The following DNAH3 variants were observed in gnomAD, a reference collection of about 807,000 sequenced individuals.
DNAH3 encodes the protein dynein axonemal heavy chain 3.
DNAH3 carries 332 observed loss-of-function variants against 432.5 expected under a neutral mutation model. The observed-to-expected ratio is 0.77, with a 90% CI of 0.70 to 0.84. The LOEUF is 0.84. Among genes scored for constraint, DNAH3 ranks in the 40% least tolerant of loss-of-function variants. The pLI is 0.00. For synonymous variants in DNAH3, 1,956 were observed against 1,900.2 expected, an observed-to-expected ratio of 1.03 and a Z score of -0.76; for missense variants, 4,861 against 5,114.0, an observed-to-expected ratio of 0.95 and a Z score of 1.51.
intron 31 of DNAH3, among the ~76,000 whole-genome samples, chr16:21,047,027 G>A (rs542678625): frequency 6.6e-6 from 1 of 152,114 alleles, no homozygotes; most frequent in Non-Finnish European, 1.5e-5. Context: ...GGCTTGTAGG[G>A]TTTCTGCAGA....
chr16:20,983,451 T>TAC (rs1486898970), intron 48 of DNAH3, among the ~76,000 whole-genome samples: 1 of 148,770 alleles, frequency 6.7e-6, no homozygotes, highest in Admixed American at 6.7e-5. Flanking sequence ...TGGTCTCCCA[T>TAC]ACACACTATT....
chr16:21,024,650 C>T (rs1344669758), exon 39 of DNAH3: 1 of 1,613,666 alleles, frequency 6.2e-7, no homozygotes, highest in South Asian at 1.1e-5. Flanking sequence ...TGTAGGAATC[C>T]TTCAGGGGCT....
chr16:20,954,721 T>C (rs2084480413), intron 55 of DNAH3, 92 bp downstream of exon 55: 1 of 1,443,928 alleles, frequency 6.9e-7, no homozygotes. Context: ...CAACCCTATC[T>C]GAGCGCAAGC....
intron 5 of DNAH3, among the ~76,000 whole-genome samples, chr16:21,138,237 G>A (rs536206502): frequency 4.0e-5 from 6 of 151,082 alleles, no homozygotes; most frequent in Non-Finnish European, 7.4e-5. Context: ...GACAGAGCGA[G>A]ATTCTGTCTC....
intron 57 of DNAH3, 113 bp from the exon 58 acceptor site, chr16:20,944,776 G>GAGAC: frequency 1.4e-6 from 1 of 701,038 alleles, no homozygotes; most frequent in Non-Finnish European, 2.4e-6. Context: ...AGTAGCACAG[G>GAGAC]ACACACACAC....
chr16:21,054,399 A>G, intron 28 of DNAH3, 21 bp downstream of exon 28: 1 of 1,576,136 alleles, frequency 6.3e-7, no homozygotes, highest in Non-Finnish European at 8.7e-7. Context: ...CAGTAATGAC[A>G]GGGGAAGCCC....
chr16:21,057,832 T>C (rs1311731906), intron 27 of DNAH3, among the ~76,000 whole-genome samples: 2 of 151,994 alleles, frequency 1.3e-5, no homozygotes, highest in African/African-American at 4.8e-5. Context: ...AAGCCAAGGG[T>C]ATAAGACTTA....
chr16:21,088,435 C>T (rs1247890801), intron 18 of DNAH3, among the ~76,000 whole-genome samples: 1 of 152,130 alleles, frequency 6.6e-6, no homozygotes, highest in African/African-American at 2.4e-5. Context: ...TTTGCAATCA[C>T]TCAGGCAAAG....
At chr16:21,067,291 G>A (rs2090587825) in exon 24 of DNAH3, 3 of 1,614,064 alleles carry the variant, frequency 1.9e-6, no homozygotes, top group Non-Finnish European at 1.7e-6. Context: ...ACCTGGGGAA[G>A]AATAGTCTCT....
exon 55 of DNAH3, chr16:20,954,948 A>G (rs764145682): frequency 1.2e-6 from 2 of 1,614,186 alleles, no homozygotes; most frequent in South Asian, 2.2e-5. Flanking sequence ...TTGAGGTAGG[A>G]GCGCAACAGG....
intron 58 of DNAH3, among the ~76,000 whole-genome samples, chr16:20,943,269 C>T (rs1278695816): frequency 4.0e-5 from 6 of 151,258 alleles, no homozygotes; most frequent in South Asian, 2.1e-4. Flanking sequence ...GTATAGACGG[C>T]GTTTTGCTAT....
At chr16:21,028,216 A>AT (rs1002665021) in intron 37 of DNAH3, among the ~76,000 whole-genome samples, 51 of 151,902 alleles carry the variant, frequency 3.4e-4, no homozygotes, top group Non-Finnish European at 7.1e-4. Context: ...ATTTTTTAAA[A>AT]TTTTTTTTGT....
At chr16:20,968,688 T>C (rs2085172852) in intron 52 of DNAH3, among the ~76,000 whole-genome samples, 1 of 151,782 alleles carries the variant, frequency 6.6e-6, no homozygotes. Context: ...CTCTCTCTCT[T>C]TCTTCCTCTC....
chr16:21,060,301 C>T (rs146434817), exon 26 of DNAH3: 108 of 1,613,954 alleles, frequency 6.7e-5, no homozygotes, highest in Non-Finnish European at 8.4e-5. Context: ...AATGACTTCT[C>T]GCATACTGGC....
At position 20,999,363 on chromosome 16, in the gene DNAH3, A is replaced by G. The variant is rs543096688; in HGVS notation, c.6421+861T>C. Among the ~76,000 whole-genome samples the G allele has an allele frequency of 1.3e-4, 20 of 152,298 alleles. 1 individual carries two copies. Among genetic ancestry groups the G allele is most frequent in the African/African-American group, 4.6e-4 (19 of 41,566 alleles). ...GAGAGCAAGATGGAGAAAAGGAGAA[A>G]AAGAGGAAGAGAAAAGGAATGTAAA... is the stretch of plus-strand genomic sequence containing the variant. On this transcript the variant is annotated intron_variant, in intron 43 of 61. Transcript: ENST00000261383.
intron 49 of DNAH3, among the ~76,000 whole-genome samples, chr16:20,981,037 T>TA (rs2085873845): frequency 6.6e-6 from 1 of 152,220 alleles, no homozygotes; most frequent in Non-Finnish European, 1.5e-5. Context: ...AACCATAGTT[T>TA]GTCAGCTTCT....
exon 53 of DNAH3, chr16:20,964,800 A>G: frequency 6.2e-7 from 1 of 1,614,118 alleles, no homozygotes; most frequent in Admixed American, 1.7e-5. Context: ...CCTTGTCCTT[A>G]CATTCAGCCA....
intron 54 of DNAH3, 136 bp downstream of exon 54, chr16:20,959,043 C>G (rs1240753425): frequency 9.3e-6 from 8 of 862,530 alleles, no homozygotes; most frequent in East Asian, 5.1e-5. Flanking sequence ...GCTGGGATTA[C>G]AGACATGAGC....
At chr16:21,121,910 A>C (rs1272892579) in intron 10 of DNAH3, 35 bp downstream of exon 11, 6 of 1,551,696 alleles carry the variant, frequency 3.9e-6, no homozygotes, top group Non-Finnish European at 5.2e-6. Flanking sequence ...TAAGTGAAAA[A>C]ATCATGCAAA....
Sources: gnomAD v4.1 joint callset for allele counts (sites outside exome capture counted in the v4.1 genomes callset) on GRCh38, gnomAD v4.1.1 for gene constraint, MANE v1.5 for transcripts, NCBI Gene and HGNC (gene_info 2026-07-23, HGNC 2026-07-21) for gene names.